GABRB1: variants seen among roughly 807,000 people sequenced by gnomAD.
GABRB1 encodes gamma-aminobutyric acid type A receptor subunit beta1, also known as gamma-aminobutyric acid receptor subunit beta-1.
Under a neutral mutation model 51.6 loss-of-function variants are expected in GABRB1, and 17 were observed. The observed-to-expected ratio is 0.33, with a 90% CI of 0.23 to 0.49. The LOEUF (loss-of-function observed/expected upper bound fraction) is 0.49, where lower values mean the gene tolerates loss of function less well. Among genes scored for constraint, GABRB1 ranks in the 20% least tolerant of loss-of-function variants. GABRB1 has a pLI of 0.99. For missense variants in GABRB1, 410 were observed against 600.6 expected, an observed-to-expected ratio of 0.68 and a Z score of 3.32; for synonymous variants, 247 against 218.9, an observed-to-expected ratio of 1.13 and a Z score of -1.14.
intron 5 of GABRB1, among the ~76,000 whole-genome samples, chr4:47,383,383 A>G (rs1269722735): frequency 6.6e-6 from 1 of 152,194 alleles, no homozygotes; most frequent in Non-Finnish European, 1.5e-5. Flanking sequence ...GCATCCACAG[A>G]TGAGAAAGGC....
chr4:47,020,811 G>T (rs560171048), intron 1 of GABRB1, among the ~76,000 whole-genome samples: 1 of 152,288 alleles, frequency 6.6e-6, no homozygotes, highest in South Asian at 2.1e-4. Context: ...ATCAGATCAT[G>T]TTATTTTATA....
At chr4:47,229,510 T>A (rs1721063989) in intron 4 of GABRB1, among the ~76,000 whole-genome samples, 1 of 152,156 alleles carries the variant, frequency 6.6e-6, no homozygotes, top group Non-Finnish European at 1.5e-5. Context: ...GCGTCTATGG[T>A]CACCTGAATA....
Position 47,161,286 on chromosome 4 carries a change from A to G in GABRB1, c.278A>G (p.Lys93Arg). 2 of 1,612,202 alleles carry G rather than the reference A, an allele frequency of 1.2e-6. No homozygotes were observed. Among genetic ancestry groups the G allele is most frequent in the Non-Finnish European group, 1.7e-6 (2 of 1,179,058 alleles). Reference protein sequence around the residue: ...TLTMYFQQSWKDKRLSYSGIP... With the variant: ...TLTMYFQQSWRDKRLSYSGIP... ...ACCATGTATTTCCAGCAGTCTTGGA[A>G]AGACAAAAGGCTTTCTTATTCTGGA... The change falls in exon 4 of 9, where the codon AAA becomes AGA. Residue 93 changes from lysine (K) to arginine (R), a missense_variant. Coordinates refer to ENST00000295454, the MANE Select transcript of GABRB1 (RefSeq NM_000812.4).
intron 4 of GABRB1, among the ~76,000 whole-genome samples, chr4:47,213,649 GC>G (rs1285690868): frequency 6.6e-6 from 1 of 151,328 alleles, no homozygotes; most frequent in Non-Finnish European, 1.5e-5. Flanking sequence ...TTTTTCTTTT[GC>G]TTCATGGTAG....
At chr4:47,339,273 C>T (rs1375782466) in intron 5 of GABRB1, among the ~76,000 whole-genome samples, 2 of 152,060 alleles carry the variant, frequency 1.3e-5, no homozygotes, top group African/African-American at 4.8e-5. Flanking sequence ...TATGAAAAGC[C>T]AATAACACTA....
At chr4:47,044,632 G>C (rs1467416528) in intron 3 of GABRB1, among the ~76,000 whole-genome samples, 2 of 152,012 alleles carry the variant, frequency 1.3e-5, no homozygotes, top group Admixed American at 6.6e-5. Context: ...TAATTGTTAA[G>C]TGCTGGTATT....
intron 4 of GABRB1, among the ~76,000 whole-genome samples, chr4:47,177,690 GTAGAATGACCTAA>G (rs1452717379): frequency 6.6e-6 from 1 of 152,028 alleles, no homozygotes; most frequent in East Asian, 1.9e-4. Flanking sequence ...ATTATTTTTG[GTAGAATGACCTAA>G]AACTGACTCC....
At chr4:47,156,743 G>T (rs945334744) in intron 3 of GABRB1, among the ~76,000 whole-genome samples, 2 of 151,918 alleles carry the variant, frequency 1.3e-5, no homozygotes, top group East Asian at 3.9e-4. Context: ...CCGAGGGGGG[G>T]CAGATCACCT....
At chr4:47,026,271 A>C (rs1353773965) in intron 1 of GABRB1, among the ~76,000 whole-genome samples, 1 of 152,026 alleles carries the variant, frequency 6.6e-6, no homozygotes, top group Non-Finnish European at 1.5e-5. Context: ...CATAGTTCTA[A>C]AAATGTTTTT....
chr4:47,235,541 G>A (rs1182415114), intron 4 of GABRB1, among the ~76,000 whole-genome samples: 1 of 146,960 alleles, frequency 6.8e-6, no homozygotes, highest in East Asian at 2.0e-4. Flanking sequence ...GAGTGAGACT[G>A]CATCTAAAAA....
At chr4:47,236,080 T>C (rs1447550576) in intron 4 of GABRB1, among the ~76,000 whole-genome samples, 1 of 152,148 alleles carries the variant, frequency 6.6e-6, no homozygotes, top group Non-Finnish European at 1.5e-5. Context: ...GTTTCAGATG[T>C]AGTCTGACAA....
intron 5 of GABRB1, 61 bp downstream of exon 5, chr4:47,320,270 A>G: frequency 1.9e-6 from 2 of 1,057,642 alleles, no homozygotes; most frequent in Non-Finnish European, 3.0e-6. Flanking sequence ...GTTGAATTCA[A>G]CTTCTCACTG....
chr4:47,277,605 A>G (rs1723133084), intron 4 of GABRB1, among the ~76,000 whole-genome samples: 1 of 152,066 alleles, frequency 6.6e-6, no homozygotes, highest in Non-Finnish European at 1.5e-5. Flanking sequence ...ATATCAAAAC[A>G]TCTCATGTAT....
chr4:47,027,546 G>T (rs1378783060), upstream of GABRB1, among the ~76,000 whole-genome samples: 3 of 151,152 alleles, frequency 2.0e-5, no homozygotes, highest in African/African-American at 2.4e-5. Flanking sequence ...TGAAACACAA[G>T]AATTTTTTTT....
intron 5 of GABRB1, among the ~76,000 whole-genome samples, chr4:47,364,094 T>C (rs973699512): frequency 1.3e-5 from 2 of 152,192 alleles, no homozygotes; most frequent in African/African-American, 4.8e-5. Flanking sequence ...AAAAACTGCA[T>C]GCATCAGAGA....
intron 5 of GABRB1, among the ~76,000 whole-genome samples, chr4:47,351,345 C>A (rs1726322519): frequency 6.6e-6 from 1 of 152,168 alleles, no homozygotes; most frequent in Non-Finnish European, 1.5e-5. Context: ...CCAATCCAAC[C>A]AAATTAAAAG....
intron 5 of GABRB1, among the ~76,000 whole-genome samples, chr4:47,387,106 T>A (rs780201468): frequency 7.9e-5 from 12 of 152,130 alleles, no homozygotes; most frequent in Non-Finnish European, 1.8e-4. Context: ...GGAATAATGA[T>A]AAAAGGCATG....
chr4:47,262,918 T>G, intron 4 of GABRB1, among the ~76,000 whole-genome samples: 1 of 151,524 alleles, frequency 6.6e-6, no homozygotes, highest in Non-Finnish European at 1.5e-5. Flanking sequence ...CTGGAAACCA[T>G]CATTCTCAGC....
intron 4 of GABRB1, among the ~76,000 whole-genome samples, chr4:47,167,017 C>T (rs1027829727): frequency 5.3e-5 from 8 of 152,150 alleles, no homozygotes; most frequent in Non-Finnish European, 1.2e-4. Context: ...TCATTTTCCA[C>T]TGATGTACAG....
Sources: gnomAD v4.1 joint callset for allele counts (sites outside exome capture counted in the v4.1 genomes callset) on GRCh38, gnomAD v4.1.1 for gene constraint, MANE v1.5 for transcripts, NCBI Gene and HGNC (gene_info 2026-07-23, HGNC 2026-07-21) for gene names.